Variants in NFIA observed in about 807,000 individuals in gnomAD.
NFIA encodes nuclear factor I A.
In NFIA, 8 loss-of-function variants were observed where a neutral mutation model predicts 62.8. The ratio of observed to expected loss-of-function variants is 0.13; its 90% CI spans 0.07 to 0.23. The LOEUF (loss-of-function observed/expected upper bound fraction) is 0.23. Ranked by LOEUF, NFIA falls within the 10% of genes least tolerant of loss-of-function variation. The pLI, the probability that NFIA is intolerant of heterozygous loss-of-function variation, is 1.00. For synonymous variants in NFIA, 235 were observed against 238.1 expected, an observed-to-expected ratio of 0.99 and a Z score of 0.12; for missense variants, 410 against 642.1, an observed-to-expected ratio of 0.64 and a Z score of 3.91.
At chr1:61,268,151 A>T (rs1657287934) in intron 2 of NFIA, among the ~76,000 whole-genome samples, 1 of 152,212 alleles carries the variant, frequency 6.6e-6, no homozygotes. Context: ...AACTCCATAC[A>T]CAATCCTGTT....
chr1:61,435,134 A>G (rs1467067370), intron 10 of NFIA, among the ~76,000 whole-genome samples: 7 of 152,164 alleles, frequency 4.6e-5, no homozygotes, highest in Middle Eastern at 3.2e-3. Flanking sequence ...TACTAAGGGA[A>G]ATGTACTGGG....
At chr1:61,368,293 C>T (rs956572809) in intron 6 of NFIA, among the ~76,000 whole-genome samples, 3 of 152,140 alleles carry the variant, frequency 2.0e-5, no homozygotes, top group South Asian at 2.1e-4. Context: ...GCCCCCGTGG[C>T]TCAGGTGGCC....
intron 6 of NFIA, among the ~76,000 whole-genome samples, chr1:61,374,646 TC>T (rs1664059936): frequency 6.6e-6 from 1 of 152,194 alleles, no homozygotes; most frequent in Non-Finnish European, 1.5e-5. Flanking sequence ...TAATTTTTAC[TC>T]CATACTCCCA....
At chr1:61,270,738 G>A (rs768121177) in intron 2 of NFIA, among the ~76,000 whole-genome samples, 3 of 152,284 alleles carry the variant, frequency 2.0e-5, no homozygotes, top group Non-Finnish European at 2.9e-5. Flanking sequence ...GCACAATTCT[G>A]CTATGCAATA....
chr1:61,156,820 T>A (rs954849059), intron 2 of NFIA, among the ~76,000 whole-genome samples: 2 of 152,232 alleles, frequency 1.3e-5, no homozygotes, highest in Non-Finnish European at 2.9e-5. Flanking sequence ...TCACTTTGCT[T>A]TAAAAGGGTT....
intron 9 of NFIA, among the ~76,000 whole-genome samples, 173 bp downstream of exon 9, chr1:61,406,900 T>C (rs1569792739): frequency 6.6e-6 from 1 of 152,314 alleles, no homozygotes; most frequent in Middle Eastern, 3.4e-3. Context: ...TCTTGGGTAC[T>C]CCACCAGATG....
At chr1:61,179,352 G>C (rs1212586382) in intron 2 of NFIA, among the ~76,000 whole-genome samples, 1 of 152,210 alleles carries the variant, frequency 6.6e-6, no homozygotes, top group Non-Finnish European at 1.5e-5. Context: ...GTAGGATTTG[G>C]AATCAGGCAG....
Position 61,425,994 on chromosome 1 carries a change from C to T in NFIA, c.1421-471C>T, listed in dbSNP as rs568383109. 5.9e-5 allele frequency among the ~76,000 whole-genome samples: 9 copies of T among 152,310 alleles called. No homozygotes were observed. In the South Asian group the frequency reaches 1.7e-3, roughly 28 times the overall value. ...AGTTCCTTCTATAAAGATTCCTCTT[C>T]GATCTCTAGCTGTAGAGGCACAGGA... On this transcript the variant is annotated intron_variant, in intron 9 of 10. Coordinates refer to ENST00000403491, the MANE Select transcript of NFIA (RefSeq NM_001134673.4).
intron 3 of NFIA, among the ~76,000 whole-genome samples, chr1:61,301,824 T>G (rs1659511184): frequency 6.6e-6 from 1 of 152,180 alleles, no homozygotes; most frequent in Admixed American, 6.5e-5. Flanking sequence ...TGGAAAGAAC[T>G]TTGGGTTCTT....
chr1:61,336,017 C>A (rs943386014), intron 4 of NFIA, among the ~76,000 whole-genome samples: 3 of 152,094 alleles, frequency 2.0e-5, no homozygotes, highest in African/African-American at 7.2e-5. Context: ...CTCATTCAAT[C>A]CTCCCATGGT....
At chr1:61,433,550 TCACA>T (rs57237214) in intron 10 of NFIA, among the ~76,000 whole-genome samples, 40 of 150,732 alleles carry the variant, frequency 2.7e-4, no homozygotes, top group African/African-American at 7.1e-4. Flanking sequence ...GTATATATAC[TCACA>T]CACACACACA....
chr1:61,285,445 A>G (rs1471394844), intron 3 of NFIA, among the ~76,000 whole-genome samples: 1 of 152,192 alleles, frequency 6.6e-6, no homozygotes, highest in Admixed American at 6.5e-5. Context: ...AGTAAACTGA[A>G]TGTAATATAC....
intron 4 of NFIA, among the ~76,000 whole-genome samples, chr1:61,343,778 T>G (rs1043266189): frequency 6.6e-6 from 1 of 152,222 alleles, no homozygotes; most frequent in Non-Finnish European, 1.5e-5. Context: ...GCGTAGAAGC[T>G]GCAGAGAAAG....
intron 2 of NFIA, among the ~76,000 whole-genome samples, chr1:61,235,700 C>G (rs1485608884): frequency 1.3e-5 from 2 of 148,712 alleles, no homozygotes; most frequent in African/African-American, 2.5e-5. Context: ...GTGGTCCTAG[C>G]TACTTGGGAG....
intron 3 of NFIA, among the ~76,000 whole-genome samples, chr1:61,300,501 T>G (rs979465863): frequency 2.6e-5 from 4 of 152,136 alleles, no homozygotes; most frequent in African/African-American, 9.6e-5. Flanking sequence ...TATTTCTATA[T>G]ATTCTTCGAT....
chr1:61,112,136 T>A (rs2807989), intron 2 of NFIA, among the ~76,000 whole-genome samples: 138,691 of 151,280 alleles, frequency 0.92, 63,843 homozygotes, highest in Middle Eastern at 0.95. Context: ...TTTTTTTTTT[T>A]AAAAAAAAAC....
chr1:61,414,083 A>G (rs140780629), intron 9 of NFIA, among the ~76,000 whole-genome samples: 21 of 152,008 alleles, frequency 1.4e-4, no homozygotes, highest in Non-Finnish European at 2.8e-4. Flanking sequence ...TTCTGGTTCA[A>G]GTGATTCTCA....
At chr1:61,153,530 A>G (rs1391169963) in intron 2 of NFIA, among the ~76,000 whole-genome samples, 1 of 152,238 alleles carries the variant, frequency 6.6e-6, no homozygotes, top group Non-Finnish European at 1.5e-5. Flanking sequence ...TTCCCGTTGT[A>G]AAAACAGACA....
chr1:61,101,186 G>A (rs1335753464), intron 2 of NFIA, among the ~76,000 whole-genome samples: 3 of 151,862 alleles, frequency 2.0e-5, no homozygotes, highest in South Asian at 2.1e-4. Flanking sequence ...ACCTGAGGTC[G>A]GGAGTTCGAG....
Sources: allele counts gnomAD v4.1 joint callset (sites outside exome capture counted in the v4.1 genomes callset), GRCh38; gene constraint gnomAD v4.1.1; transcripts MANE v1.5; gene names NCBI Gene and HGNC (gene_info 2026-07-23, HGNC 2026-07-21).